Variants in HS6ST3 observed in about 807,000 individuals in gnomAD.
HS6ST3 encodes the protein heparan sulfate 6-O-sulfotransferase 3, also known as heparan-sulfate 6-O-sulfotransferase 3.
A neutral mutation model predicts 36.7 loss-of-function variants in HS6ST3; 12 were observed. That is an observed-to-expected ratio of 0.33 (90% CI 0.21 to 0.53). HS6ST3 has a LOEUF of 0.53. Among genes scored for constraint, HS6ST3 ranks in the 20% least tolerant of loss-of-function variants. The pLI is 0.95. For missense variants in HS6ST3, 584 were observed against 640.9 expected (o/e 0.91, Z 0.96); for synonymous variants, 240 against 257.5 (o/e 0.93, Z 0.65).
chr13:96,159,093 C>T (rs1039073752), intron 1 of HS6ST3, among the ~76,000 whole-genome samples: 1 of 152,060 alleles, frequency 6.6e-6, no homozygotes, highest in African/African-American at 2.4e-5. Flanking sequence ...AAGGAGGGAG[C>T]AGTTGGGGGT....
intron 1 of HS6ST3, among the ~76,000 whole-genome samples, chr13:96,203,006 C>T (rs531579640): frequency 1.2e-4 from 18 of 152,246 alleles, no homozygotes; most frequent in African/African-American, 4.3e-4. Context: ...TTCACTCACT[C>T]CCTCACTCAT....
chr13:96,345,130 CTTGTT>C (rs1422214031), intron 1 of HS6ST3, among the ~76,000 whole-genome samples: 17 of 152,114 alleles, frequency 1.1e-4, no homozygotes, highest in Admixed American at 1.1e-3. Flanking sequence ...ACATTTTGTC[CTTGTT>C]TTGTTTTAGA....
chr13:96,130,412 T>C (rs376619083), intron 1 of HS6ST3, among the ~76,000 whole-genome samples: 32 of 152,286 alleles, frequency 2.1e-4, no homozygotes, highest in African/African-American at 7.5e-4. Context: ...AAGGGTTAAT[T>C]AGACTCTGCA....
At chr13:96,216,642 G>C (rs898920594) in intron 1 of HS6ST3, among the ~76,000 whole-genome samples, 1 of 152,102 alleles carries the variant, frequency 6.6e-6, no homozygotes, top group African/African-American at 2.4e-5. Flanking sequence ...GTTGTGGGGT[G>C]GGCAGGGACG....
chr13:96,401,194 T>C (rs886786452), intron 1 of HS6ST3, among the ~76,000 whole-genome samples: 1 of 152,144 alleles, frequency 6.6e-6, no homozygotes, highest in Non-Finnish European at 1.5e-5. Context: ...CCTTACTGCT[T>C]TTCCCCCCTA....
At chr13:96,441,085 T>C (rs1036106979) in intron 1 of HS6ST3, among the ~76,000 whole-genome samples, 2 of 152,126 alleles carry the variant, frequency 1.3e-5, no homozygotes, top group African/African-American at 4.8e-5. Context: ...CTCCACCATA[T>C]GCAGATTCAA....
intron 1 of HS6ST3, among the ~76,000 whole-genome samples, chr13:96,439,382 G>A (rs755571006): frequency 3.3e-5 from 5 of 152,196 alleles, no homozygotes; most frequent in African/African-American, 4.8e-5. Flanking sequence ...AGATGGTTCC[G>A]TTTGTCACGT....
At chr13:96,123,664 T>C (rs2053937237) in intron 1 of HS6ST3, among the ~76,000 whole-genome samples, 1 of 152,178 alleles carries the variant, frequency 6.6e-6, no homozygotes, top group South Asian at 2.1e-4. Context: ...AGTCTGGCGT[T>C]GAATATGACC....
At chr13:96,300,209 A>G (rs1392764204) in intron 1 of HS6ST3, among the ~76,000 whole-genome samples, 2 of 151,574 alleles carry the variant, frequency 1.3e-5, no homozygotes, top group Non-Finnish European at 2.9e-5. Flanking sequence ...GGTGTGTGAC[A>G]CCACACCTGG....
intron 1 of HS6ST3, among the ~76,000 whole-genome samples, chr13:96,417,759 CA>C: frequency 1.3e-5 from 2 of 151,122 alleles, no homozygotes; most frequent in Admixed American, 1.3e-4. Context: ...CACACACACA[CA>C]TAATAGTCTA....
At chr13:96,396,783 C>T (rs1219118364) in intron 1 of HS6ST3, among the ~76,000 whole-genome samples, 1 of 152,122 alleles carries the variant, frequency 6.6e-6, no homozygotes, top group Non-Finnish European at 1.5e-5. Flanking sequence ...CCCCTTAGGA[C>T]AATGCAGCAG....
At chr13:96,151,518 G>A (rs1301024740) in intron 1 of HS6ST3, among the ~76,000 whole-genome samples, 1 of 152,168 alleles carries the variant, frequency 6.6e-6, no homozygotes, top group Non-Finnish European at 1.5e-5. Context: ...AGTGTCAACA[G>A]TGGTTATCTT....
chr13:96,524,455 C>G (rs1285542102), intron 1 of HS6ST3, among the ~76,000 whole-genome samples: 2 of 152,156 alleles, frequency 1.3e-5, no homozygotes, highest in Admixed American at 1.3e-4. Context: ...TCAGATATAC[C>G]CTGCCCCCAG....
intron 1 of HS6ST3, among the ~76,000 whole-genome samples, chr13:96,574,796 G>T (rs1024822149): frequency 2.0e-5 from 3 of 152,090 alleles, no homozygotes; most frequent in Non-Finnish European, 4.4e-5. Context: ...AGCCTTGTCT[G>T]GTATTTGCCA....
intron 1 of HS6ST3, among the ~76,000 whole-genome samples, chr13:96,690,994 C>T (rs772729672): frequency 1.3e-5 from 2 of 152,098 alleles, no homozygotes; most frequent in African/African-American, 2.4e-5. Flanking sequence ...CCCTTCCCAT[C>T]CCATAGAGAA....
Position 96,634,411 on chromosome 13 carries a change from G to T in HS6ST3, c.708-198079G>T, listed in dbSNP as rs1310747011. 2.6e-5 allele frequency among the ~76,000 whole-genome samples: 4 copies of T among 152,120 alleles called. No homozygotes were observed. The East Asian group carries it at 7.7e-4, about 29-fold the overall frequency. ...TAAATAAGGACCTGTAAGTTTAGAG[G>T]TTTGTGTTCCTTTGAAACTCAACCT... On this transcript the variant is annotated intron_variant, in intron 1 of 1. Coordinates refer to ENST00000376705, the MANE Select transcript of HS6ST3 (RefSeq NM_153456.4).
At chr13:96,565,514 G>C (rs2056277996) in intron 1 of HS6ST3, among the ~76,000 whole-genome samples, 1 of 152,090 alleles carries the variant, frequency 6.6e-6, no homozygotes, top group Admixed American at 6.6e-5. Context: ...TTGAAACCAA[G>C]AGGCCTCAAG....
chr13:96,769,608 C>A (rs1441060449), intron 1 of HS6ST3, among the ~76,000 whole-genome samples: 1 of 151,790 alleles, frequency 6.6e-6, no homozygotes. Context: ...ATATTTATTA[C>A]TGCTCTGATG....
At chr13:96,162,284 A>G (rs2139329413) in intron 1 of HS6ST3, among the ~76,000 whole-genome samples, 1 of 152,358 alleles carries the variant, frequency 6.6e-6, no homozygotes, top group South Asian at 2.1e-4. Flanking sequence ...AAAGTAGAAT[A>G]AGGGGAATGT....
Sources: allele counts gnomAD v4.1 joint callset (sites outside exome capture counted in the v4.1 genomes callset), GRCh38; gene constraint gnomAD v4.1.1; transcripts MANE v1.5; gene names NCBI Gene and HGNC (gene_info 2026-07-23, HGNC 2026-07-21).